The following GAREM1 variants were observed in gnomAD, a reference collection of about 807,000 sequenced individuals.
GAREM1 encodes GRB2 associated regulator of MAPK1 subtype 1.
In GAREM1, 26 loss-of-function variants were observed where a neutral mutation model predicts 71.3. The ratio of observed to expected loss-of-function variants is 0.36; its 90% CI spans 0.27 to 0.51. GAREM1 has a LOEUF of 0.51. Among genes scored for constraint, GAREM1 ranks in the 20% least tolerant of loss-of-function variants. GAREM1 has a pLI of 0.95. For missense variants in GAREM1, 1,026 were observed against 1,103.1 expected, an observed-to-expected ratio of 0.93 and a Z score of 0.99; for synonymous variants, 440 against 433.2, an observed-to-expected ratio of 1.02 and a Z score of -0.20.
At chr18:32,457,224 A>AGTGTGTGTGTGTGTGTGT (rs1309543369) in intron 1 of GAREM1, among the ~76,000 whole-genome samples, 2 of 107,360 alleles carry the variant, frequency 1.9e-5, no homozygotes, top group Non-Finnish European at 3.7e-5. Context: ...AGAGAGAGAG[A>AGTGTGTGTGTGTGTGTGT]GAGTGTGTGT....
intron 4 of GAREM1, among the ~76,000 whole-genome samples, chr18:32,282,114 ACT>A (rs1221459720): frequency 6.6e-6 from 1 of 151,192 alleles, no homozygotes; most frequent in African/African-American, 2.4e-5. Context: ...CCCTTCGCTG[ACT>A]CTCTTTTCGG....
chr18:32,356,410 T>C (rs184423450), intron 2 of GAREM1, among the ~76,000 whole-genome samples: 1 of 152,188 alleles, frequency 6.6e-6, no homozygotes, highest in African/African-American at 2.4e-5. Context: ...CAAACAAATA[T>C]CATTTTTTAG....
intron 2 of GAREM1, among the ~76,000 whole-genome samples, chr18:32,367,447 A>G (rs1393824112): frequency 6.6e-6 from 1 of 152,190 alleles, no homozygotes; most frequent in Non-Finnish European, 1.5e-5. Flanking sequence ...TAAGATATTT[A>G]GTTTTATAGA....
intron 2 of GAREM1, among the ~76,000 whole-genome samples, chr18:32,359,798 T>G (rs1832609394): frequency 6.6e-6 from 1 of 152,136 alleles, no homozygotes; most frequent in Non-Finnish European, 1.5e-5. Flanking sequence ...TGGTGGTACA[T>G]GCCTGTAGTC....
intron 3 of GAREM1, among the ~76,000 whole-genome samples, chr18:32,309,958 C>T (rs138068813): frequency 3.7e-4 from 56 of 152,280 alleles, no homozygotes; most frequent in Admixed American, 1.3e-3. Context: ...TCAACAGCTA[C>T]AGTTTTGAAC....
intron 4 of GAREM1, among the ~76,000 whole-genome samples, chr18:32,276,610 TGA>T (rs1054682578): frequency 1.2e-4 from 18 of 152,166 alleles, no homozygotes; most frequent in African/African-American, 4.3e-4. Flanking sequence ...GGAGGGATTA[TGA>T]GTGTACAAAA....
intron 1 of GAREM1, among the ~76,000 whole-genome samples, chr18:32,445,054 A>C (rs2048773824): frequency 1.3e-5 from 2 of 152,102 alleles, no homozygotes; most frequent in Admixed American, 1.3e-4. Flanking sequence ...GGATGTGCAC[A>C]GGTGAATGAG....
At chr18:32,452,973 T>C (rs1380372760) in intron 1 of GAREM1, among the ~76,000 whole-genome samples, 1 of 152,020 alleles carries the variant, frequency 6.6e-6, no homozygotes, top group Non-Finnish European at 1.5e-5. Flanking sequence ...TTTAACAGGT[T>C]TACTGTGACT....
rs114537110 is a variant in GAREM1 at position 32,359,500 on chromosome 18, T to C, written c.262+33395A>G. On this transcript the variant is annotated intron_variant, in intron 2 of 5. Coordinates refer to ENST00000269209, the MANE Select transcript of GAREM1 (RefSeq NM_001242409.2). ...GTGGAGCCAAATGGATTATATATCC[T>C]TTCCTGTGCAATGCCCCCACTCCCC... Among the ~76,000 whole-genome samples, 1,301 of 152,326 alleles carry C rather than the reference T, an allele frequency of 8.5e-3. 22 individuals are homozygous for C. The highest frequency in any genetic ancestry group is 0.03 in the African/African-American group (1,234 of 41,564).
chr18:32,389,442 C>T (rs1160818932), intron 2 of GAREM1, among the ~76,000 whole-genome samples: 2 of 152,130 alleles, frequency 1.3e-5, no homozygotes, highest in East Asian at 3.8e-4. Flanking sequence ...ATTATCTTCA[C>T]TTTATAGATG....
intron 1 of GAREM1, among the ~76,000 whole-genome samples, chr18:32,461,694 C>G (rs1419353156): frequency 6.6e-6 from 1 of 151,670 alleles, no homozygotes; most frequent in Non-Finnish European, 1.5e-5. Context: ...GACTCTGTCT[C>G]AAAAAATAAA....
At chr18:32,271,428 A>G (rs2041461520) in intron 4 of GAREM1, among the ~76,000 whole-genome samples, 1 of 152,008 alleles carries the variant, frequency 6.6e-6, no homozygotes, top group Admixed American at 6.5e-5. Context: ...CCTTGCATCT[A>G]CTTGCCTGGG....
At chr18:32,423,182 G>A (rs2048537454) in intron 1 of GAREM1, among the ~76,000 whole-genome samples, 1 of 152,198 alleles carries the variant, frequency 6.6e-6, no homozygotes, top group South Asian at 2.1e-4. Context: ...CTAGCTGTGT[G>A]CTCCTGATTA....
At chr18:32,298,352 A>T (rs1294081757) in intron 3 of GAREM1, among the ~76,000 whole-genome samples, 1 of 152,186 alleles carries the variant, frequency 6.6e-6, no homozygotes, top group East Asian at 1.9e-4. Context: ...AGTAGAGCCA[A>T]ATAGTCTCCT....
chr18:32,393,146 C>A, intron 1 of GAREM1, 111 bp from the exon 2 acceptor site: 5 of 935,826 alleles, frequency 5.3e-6, no homozygotes, highest in Non-Finnish European at 7.7e-6. Flanking sequence ...GTTGACAGTT[C>A]ATCCCAAGAT....
intron 1 of GAREM1, among the ~76,000 whole-genome samples, chr18:32,463,717 A>G (rs944224926): frequency 6.6e-6 from 1 of 151,756 alleles, no homozygotes; most frequent in African/African-American, 2.4e-5. Context: ...CTACAGGCAC[A>G]TGCCACCACA....
Position 32,288,215 on chromosome 18 carries a change from T to C in GAREM1, c.394-12A>G. 6.4e-7 allele frequency: 1 copy of C among 1,563,376 alleles called. No homozygotes were observed. Among genetic ancestry groups the C allele is most frequent in the Non-Finnish European group, 8.7e-7 (1 of 1,155,848 alleles). On this transcript the variant is annotated splice_polypyrimidine_tract_variant and intron_variant, in intron 3 of 5. Transcript: ENST00000269209. ...TCACCTGAAGCAACCTACAATATAA[T>C]AAATCACATTTTACGTTCATTTCCT... is the stretch of plus-strand genomic sequence containing the variant.
At chr18:32,301,384 A>G (rs2047200155) in intron 3 of GAREM1, among the ~76,000 whole-genome samples, 1 of 152,190 alleles carries the variant, frequency 6.6e-6, no homozygotes, top group Admixed American at 6.5e-5. Context: ...TGAAAATTTC[A>G]AAATAAGTGT....
At position 32,470,704 on chromosome 18, in the gene GAREM1, C is replaced by A. The variant is rs989000241; in HGVS notation, c.-276G>T. On this transcript the variant is annotated 5_prime_UTR_variant, in exon 1 of 6. Transcript: ENST00000269209. The surrounding 1 kb of genome is among the most constrained non-coding windows in gnomAD (Gnocchi z 4.4). Reference sequence around the variant, plus strand: ...GCAGCCGCGCGGCTGCGGGCGGCGGCGGCGGCCCGGGTGGCTGCGGCGGCT... The same window carrying A: ...GCAGCCGCGCGGCTGCGGGCGGCGGAGGCGGCCCGGGTGGCTGCGGCGGCT... Among the ~76,000 whole-genome samples the A allele has an allele frequency of 1.0e-4, 15 of 149,466 alleles. No homozygotes were observed. Among genetic ancestry groups the A allele is most frequent in the Admixed American group, 4.7e-4 (7 of 15,040 alleles).
Sources: gnomAD v4.1 joint callset for allele counts (sites outside exome capture counted in the v4.1 genomes callset) on GRCh38, gnomAD v4.1.1 for gene constraint, Gnocchi (gnomAD v3.1) non-coding constraint, MANE v1.5 for transcripts, NCBI Gene and HGNC (gene_info 2026-07-23, HGNC 2026-07-21) for gene names.